The following CFAP77 variants were observed in gnomAD, a reference collection of about 807,000 sequenced individuals.
The protein encoded by CFAP77 is cilia and flagella associated protein 77.
A neutral mutation model predicts 31.1 loss-of-function variants in CFAP77; 25 were observed. The ratio of observed to expected loss-of-function variants is 0.80; its 90% CI spans 0.59 to 1.12. CFAP77 has a LOEUF of 1.12. CFAP77 is among the 50% of genes most tolerant of loss of function. The pLI is 0.00. For synonymous variants in CFAP77, 151 were observed against 159.9 expected (o/e 0.94, Z 0.42); for missense variants, 377 against 397.3 (o/e 0.95, Z 0.44).
At chr9:132,503,586 G>C (rs957742209) in intron 3 of CFAP77, among the ~76,000 whole-genome samples, 1 of 152,032 alleles carries the variant, frequency 6.6e-6, no homozygotes, top group African/African-American at 2.4e-5. Flanking sequence ...CCTCAGCTTG[G>C]GTCTAAACCT....
At chr9:132,492,245 G>C (rs1014822133) in intron 1 of CFAP77, among the ~76,000 whole-genome samples, 1 of 152,108 alleles carries the variant, frequency 6.6e-6, no homozygotes, top group Non-Finnish European at 1.5e-5. Context: ...CTGTGATCGT[G>C]CCCCTGCACT....
In CFAP77 at chr9:132,537,698, A is replaced by C. The variant is rs34650498; in HGVS notation, c.622A>C (p.Lys208Gln). 0.059 allele frequency: 95,405 copies of C among 1,612,550 alleles called. 3,208 individuals carry two copies. The highest frequency in any genetic ancestry group is 0.069 in the Non-Finnish European group (81,875 of 1,178,882). The part of the protein sequence containing the change: ...ATQKAIKLEK[K>Q]QKVVLGKLYE... ...CCAGAAAGCCATCAAACTGGAGAAG[A>C]AGCAGAAGGTAAATGCAGCCCTCGC... The change falls in exon 4 of 6, where the codon AAG (lysine) becomes CAG (glutamine). Residue 208 changes from lysine to glutamine, a missense_variant. Coordinates refer to ENST00000393216, the MANE Select transcript of CFAP77 (RefSeq NM_001282957.2).
rs368054109 is a variant in CFAP77 at position 132,565,492 on chromosome 9, G to A, written c.733-6896G>A. On this transcript the variant is annotated intron_variant, in intron 5 of 5. Transcript: ENST00000393216. The surrounding 1 kb of genome is among the most constrained non-coding windows in gnomAD (Gnocchi z 4.1). The stretch of plus-strand genomic sequence containing the variant: ...TAAAAATATAAAAAATTAGCTGGGC[G>A]TGATGGCAGACACCTGTAATCCCAG... Among the ~76,000 whole-genome samples, 23 of 152,168 alleles carry A rather than the reference G, an allele frequency of 1.5e-4. No homozygotes were observed. Among genetic ancestry groups the A allele is most frequent in the East Asian group, 1.9e-4 (1 of 5,172 alleles).
rs952665956 is a variant in CFAP77, at chr9:132,554,349, A to T, written c.732+11302A>T. On this transcript the variant is annotated intron_variant, in intron 5 of 5. Coordinates refer to ENST00000393216, the MANE Select transcript of CFAP77 (RefSeq NM_001282957.2). This position sits in a 1 kb window ranked among gnomAD's most constrained non-coding sequence, Gnocchi z 4.1. Reference sequence around the variant, plus strand: ...TTTATGCAACCCTTATTTTTATTTTATTTATTTTTTTTTTTGAGACAGGCT... The same window carrying T: ...TTTATGCAACCCTTATTTTTATTTTTTTTATTTTTTTTTTTGAGACAGGCT... 6.6e-6 allele frequency among the ~76,000 whole-genome samples: 1 copy of T among 150,480 alleles called. No homozygotes were observed. The highest frequency in any genetic ancestry group is 1.5e-5 in the Non-Finnish European group (1 of 67,800).
intron 1 of CFAP77, among the ~76,000 whole-genome samples, chr9:132,492,966 C>T (rs1325339088): frequency 6.6e-6 from 1 of 152,178 alleles, no homozygotes; most frequent in East Asian, 1.9e-4. Context: ...CGAGGACTCC[C>T]ACGGCTCCAG....
chr9:132,453,240 A>T (rs1187201685), intron 1 of CFAP77, among the ~76,000 whole-genome samples: 2 of 152,134 alleles, frequency 1.3e-5, no homozygotes, highest in South Asian at 2.1e-4. Flanking sequence ...AAAAGCCAAT[A>T]TAGGCCGGGC....
chr9:132,491,218 A>G (rs1395283221), intron 1 of CFAP77, among the ~76,000 whole-genome samples: 1 of 152,222 alleles, frequency 6.6e-6, no homozygotes, highest in Non-Finnish European at 1.5e-5. Context: ...CTGTAATCCC[A>G]GCATTTTGGG....
Position 132,413,312 on chromosome 9 carries a change from G to A in CFAP77, c.195+2846G>A, listed in dbSNP as rs950764496. Among the ~76,000 whole-genome samples the A allele has an allele frequency of 1.1e-4, 17 of 152,168 alleles. No homozygotes were observed. In the East Asian group the frequency reaches 3.1e-3, roughly 28 times the overall value. On this transcript the variant is annotated intron_variant, in intron 1 of 5. Transcript: ENST00000393216. ...AAAAGTGAAAAACTGAGACATCCAA[G>A]CAGGTATTTTATCTACAGATGCTCA...
At chr9:132,543,606 G>A (rs1418340289) in intron 5 of CFAP77, among the ~76,000 whole-genome samples, 2 of 152,204 alleles carry the variant, frequency 1.3e-5, no homozygotes, top group East Asian at 3.9e-4. Context: ...GACATCCTGC[G>A]CTGGGAATTT....
intron 1 of CFAP77, among the ~76,000 whole-genome samples, chr9:132,422,639 C>A (rs901561743): frequency 7.9e-5 from 12 of 152,128 alleles, no homozygotes; most frequent in Admixed American, 2.0e-4. Context: ...TGCAGTGAAG[C>A]AGCAGGGAAA....
At chr9:132,465,729 A>G (rs1408728829) in intron 1 of CFAP77, among the ~76,000 whole-genome samples, 2 of 152,234 alleles carry the variant, frequency 1.3e-5, no homozygotes, top group East Asian at 3.8e-4. Context: ...AACGTTTTCT[A>G]AAAAAGTCTC....
intron 1 of CFAP77, among the ~76,000 whole-genome samples, chr9:132,414,499 TCACACACACACA>T (rs34016277): frequency 3.5e-4 from 50 of 143,790 alleles, no homozygotes; most frequent in African/African-American, 1.1e-3. Flanking sequence ...TAGCTCTTAT[TCACACACACACA>T]CACACACACA....
intron 1 of CFAP77, among the ~76,000 whole-genome samples, chr9:132,434,346 G>A (rs1850467649): frequency 6.6e-6 from 1 of 151,994 alleles, no homozygotes; most frequent in Non-Finnish European, 1.5e-5. Flanking sequence ...CTTGTGGCCA[G>A]GAACCAGGTC....
At chr9:132,412,457 T>A (rs1200289531) in intron 1 of CFAP77, among the ~76,000 whole-genome samples, 1 of 152,268 alleles carries the variant, frequency 6.6e-6, no homozygotes, top group Non-Finnish European at 1.5e-5. Flanking sequence ...GAATATCTTA[T>A]AACTTTAGAG....
intron 3 of CFAP77, among the ~76,000 whole-genome samples, chr9:132,507,091 C>T (rs1049506004): frequency 6.6e-6 from 1 of 152,238 alleles, no homozygotes; most frequent in Non-Finnish European, 1.5e-5. Flanking sequence ...TGCTGAGCTT[C>T]TCCTTTCTGG....
chr9:132,498,583 C>T lies in CFAP77; in HGVS notation c.196-112C>T, dbSNP rs758917133. ...CACTCCTGTGCCACCCTGAAGGCCA[C>T]GGCAGGGCCTGGGGGAAATGCAGGC... On this transcript the variant is annotated intron_variant, in intron 1 of 5. Transcript: ENST00000393216. The surrounding 1 kb of genome is among the most constrained non-coding windows in gnomAD (Gnocchi z 4.2). 3.2e-5 allele frequency: 26 copies of T among 809,236 alleles called. No individual in the cohort carries two copies. The highest frequency in any genetic ancestry group is 5.4e-5 in the East Asian group (2 of 37,324). 50.1% of individuals were successfully genotyped at this position (809,236 alleles called of 1,614,324 possible). A position where few individuals can be genotyped will look rare whatever the true frequency, so the allele number is the denominator to read the frequency against.
chr9:132,485,714 T>G (rs527518678), intron 1 of CFAP77, among the ~76,000 whole-genome samples: 192 of 152,114 alleles, frequency 1.3e-3, no homozygotes, highest in Middle Eastern at 3.4e-3. Context: ...GCCAAGTGAT[T>G]GCACTCCATC....
intron 1 of CFAP77, among the ~76,000 whole-genome samples, chr9:132,413,438 T>A (rs1479191359): frequency 6.6e-6 from 1 of 152,252 alleles, no homozygotes; most frequent in African/African-American, 2.4e-5. Flanking sequence ...GTAAATATTT[T>A]CCATTAGAAA....
At chr9:132,532,441 C>A (rs995505030) in intron 3 of CFAP77, among the ~76,000 whole-genome samples, 1 of 152,202 alleles carries the variant, frequency 6.6e-6, no homozygotes, top group African/African-American at 2.4e-5. Context: ...TACTCAGCGC[C>A]GGCCAATTGC....
Sources: allele counts gnomAD v4.1 joint callset (sites outside exome capture counted in the v4.1 genomes callset), GRCh38; gene constraint gnomAD v4.1.1; non-coding constraint Gnocchi (gnomAD v3.1); transcripts MANE v1.5; gene names NCBI Gene and HGNC (gene_info 2026-07-23, HGNC 2026-07-21).